The following NFATC1 variants were observed in gnomAD, a reference collection of about 807,000 sequenced individuals.
NFATC1 encodes nuclear factor of activated T-cells, cytoplasmic 1.
A neutral mutation model predicts 76.0 loss-of-function variants in NFATC1; 22 were observed. That is an observed-to-expected ratio of 0.29 (90% confidence interval 0.21 to 0.41). The LOEUF (loss-of-function observed/expected upper bound fraction) is 0.41, where lower values mean the gene tolerates loss of function less well. Ranked by LOEUF, NFATC1 falls within the 10% of genes least tolerant of loss-of-function variation. The pLI, the probability that NFATC1 is intolerant of heterozygous loss-of-function variation, is 1.00. For missense variants in NFATC1, 1,357 were observed against 1,337.7 expected (o/e 1.01, Z -0.23); for synonymous variants, 704 against 613.1 (o/e 1.15, Z -2.19).
chr18:79,477,673 A>C (rs1002241360), intron 8 of NFATC1, among the ~76,000 whole-genome samples: 3 of 152,094 alleles, frequency 2.0e-5, no homozygotes, highest in Non-Finnish European at 4.4e-5. Flanking sequence ...GCACTGTCTC[A>C]GTCTTTGGGG....
At position 79,473,386 on chromosome 18, in the gene NFATC1, C is replaced by T. The variant is rs1030479199; in HGVS notation, c.2092+5804C>T. Among the ~76,000 whole-genome samples the T allele has an allele frequency of 4.6e-5, 7 of 152,172 alleles. No homozygotes were observed. The East Asian group carries it at 5.8e-4, about 13-fold the overall frequency. On this transcript the variant is annotated intron_variant, in intron 8 of 9. Coordinates refer to ENST00000427363, the MANE Select transcript of NFATC1 (RefSeq NM_001278669.2). ...AGCGTGTTCTCACGCTTACTGTCAACGTTGCGAGGGAAGCGTGTTCTCATG... is the reference window on the plus strand; with the variant it reads ...AGCGTGTTCTCACGCTTACTGTCAATGTTGCGAGGGAAGCGTGTTCTCATG...
Position 79,528,551 on chromosome 18 carries a change from G to A in NFATC1, c.*974G>A, listed in dbSNP as rs1001072495. The A allele has an allele frequency of 7.2e-5, 11 of 152,214 alleles. No individual in the cohort carries two copies. The highest frequency in any genetic ancestry group is 1.3e-4 in the Admixed American group (2 of 15,280). The allele number at this position is 152,214 out of a possible 1,614,324, so 9.4% of individuals were successfully genotyped here. ...ACGGCCGTGCATTTTCTCGTCTCAC[G>A]CAGTTCGAGGAGGACCCTAGAAAGC... is the stretch of plus-strand genomic sequence containing the variant. On this transcript the variant is annotated 3_prime_UTR_variant, in exon 10 of 10. Coordinates refer to ENST00000427363, the MANE Select transcript of NFATC1 (RefSeq NM_001278669.2).
intron 8 of NFATC1, among the ~76,000 whole-genome samples, chr18:79,482,281 G>A (rs2089305533): frequency 7.4e-6 from 1 of 134,516 alleles, no homozygotes; most frequent in Non-Finnish European, 1.5e-5. Flanking sequence ...ATTCCAGTGT[G>A]ACCTGGTTCC....
intron 2 of NFATC1, among the ~76,000 whole-genome samples, chr18:79,427,194 C>A (rs2086372099): frequency 6.6e-6 from 1 of 152,224 alleles, no homozygotes. Context: ...TGACGTTGTC[C>A]TTCACGTAAA....
chr18:79,478,636 C>A (rs566543998), intron 8 of NFATC1, among the ~76,000 whole-genome samples: 2 of 152,192 alleles, frequency 1.3e-5, no homozygotes, highest in African/African-American at 2.4e-5. Flanking sequence ...TGACGATGGC[C>A]GTGGCGGGGG....
chr18:79,515,265 A>T lies in NFATC1; in HGVS notation c.2783-12263A>T, dbSNP rs148784415. Among the ~76,000 whole-genome samples the T allele has an allele frequency of 3.9e-3, 585 of 150,882 alleles. 4 individuals carry two copies. The highest frequency in any genetic ancestry group is 7.1e-3 in the Admixed American group (108 of 15,144). ...GAGGCTGAGGCAGGAGAATCGCTTG[A>T]ACCTGGAAGGTTGCAGTGAGCAGAG... On this transcript the variant is annotated intron_variant, in intron 9 of 9. Coordinates refer to ENST00000427363, the MANE Select transcript of NFATC1 (RefSeq NM_001278669.2).
At chr18:79,513,138 T>TA (rs1234561558) in intron 9 of NFATC1, among the ~76,000 whole-genome samples, 6 of 152,236 alleles carry the variant, frequency 3.9e-5, no homozygotes, top group Non-Finnish European at 5.9e-5. Context: ...CCTCTCTCGA[T>TA]ACCCAGAACC....
chr18:79,479,113 C>T (rs2089184655), intron 8 of NFATC1, among the ~76,000 whole-genome samples: 1 of 152,272 alleles, frequency 6.6e-6, no homozygotes, highest in Non-Finnish European at 1.5e-5. Context: ...CACTCGCCTT[C>T]CACACTCTGC....
chr18:79,416,656 AT>A (rs1376864688), intron 2 of NFATC1, among the ~76,000 whole-genome samples: 2 of 152,210 alleles, frequency 1.3e-5, no homozygotes, highest in Non-Finnish European at 1.5e-5. Flanking sequence ...GAGTTGCCCC[AT>A]GGTTTGTAAA....
rs552110224 is a variant in NFATC1, at chr18:79,439,268, A to G, written c.1386+5530A>G. On this transcript the variant is annotated intron_variant, in intron 3 of 9. Coordinates refer to ENST00000427363, the MANE Select transcript of NFATC1 (RefSeq NM_001278669.2). ...CCGGGGAGGGACGTCGCTGGGACACATTGTTATCTGATCAGAGCTCCGAGG... is the reference window on the plus strand; with the variant it reads ...CCGGGGAGGGACGTCGCTGGGACACGTTGTTATCTGATCAGAGCTCCGAGG... Among the ~76,000 whole-genome samples the G allele has an allele frequency of 2.0e-5, 3 of 152,264 alleles. No homozygotes were observed. The East Asian group carries it at 5.8e-4, about 29-fold the overall frequency.
chr18:79,411,514 C>CGCGGG lies in NFATC1; in HGVS notation c.1226+19_1226+23dup, dbSNP rs745932419. The CGCGGG allele has an allele frequency of 2.5e-5, 36 of 1,458,038 alleles. No individual in the cohort carries two copies. The highest frequency in any genetic ancestry group is 3.1e-5 in the Non-Finnish European group (34 of 1,106,756). The allele number at this position is 1,458,038 out of a possible 1,614,324, so 90.3% of individuals were successfully genotyped here. ...CGTCCTACATGAGGTGAGCCGGCAGCGCGGGGCGGGACGGGGAGGCGAGGG... is the reference window on the plus strand; with the variant it reads ...CGTCCTACATGAGGTGAGCCGGCAGCGCGGGGCGGGGCGGGACGGGGAGGCGAGGG... On this transcript the variant is annotated intron_variant, in intron 2 of 9. Coordinates refer to ENST00000427363, the MANE Select transcript of NFATC1 (RefSeq NM_001278669.2).
chr18:79,448,738 C>A (rs2087325797), intron 3 of NFATC1, 44 bp from the exon 4 acceptor site: 3 of 1,585,432 alleles, frequency 1.9e-6, no homozygotes, highest in Admixed American at 1.7e-5. Flanking sequence ...TCCCGGCGGT[C>A]TGTGCTCTGG....
intron 1 of NFATC1, chr18:79,400,227 G>T: frequency 3.4e-6 from 4 of 1,186,036 alleles, no homozygotes; most frequent in Non-Finnish European, 4.2e-6. Context: ...GCCGCGAGCC[G>T]GTTGTTTATG....
At position 79,471,847 on chromosome 18, in the gene NFATC1, G is replaced by A. The variant is rs920392439; in HGVS notation, c.2092+4265G>A. Among the ~76,000 whole-genome samples, 6 of 152,218 alleles carry A rather than the reference G, an allele frequency of 3.9e-5. No individual in the cohort carries two copies. The South Asian group carries it at 6.2e-4, about 16-fold the overall frequency. On this transcript the variant is annotated intron_variant, in intron 8 of 9. Coordinates refer to ENST00000427363, the MANE Select transcript of NFATC1 (RefSeq NM_001278669.2). ...TTCACCAGGGGTGGGCGTGGGCCCC[G>A]AGCCCAGACAGGAGCCAGCTGGAGA...
chr18:79,485,664 C>T (rs924713532), intron 8 of NFATC1, among the ~76,000 whole-genome samples: 7 of 152,218 alleles, frequency 4.6e-5, no homozygotes, highest in Admixed American at 6.5e-5. Context: ...CTGTTCCATC[C>T]AAGGCTGCCC....
chr18:79,472,138 AG>A (rs1343054744), intron 8 of NFATC1, among the ~76,000 whole-genome samples: 1 of 151,354 alleles, frequency 6.6e-6, no homozygotes, highest in East Asian at 2.0e-4. Flanking sequence ...AGAGCTGCTT[AG>A]GGTGTGAGCC....
At chr18:79,409,820 C>T (rs917500898) in intron 1 of NFATC1, among the ~76,000 whole-genome samples, 5 of 152,212 alleles carry the variant, frequency 3.3e-5, no homozygotes, top group East Asian at 1.9e-4. Context: ...GATGTTCTGT[C>T]TTCATGGAAC....
rs140576405 is a variant in NFATC1 at position 79,459,364 on chromosome 18, G to A, written c.1904-1947G>A. Among the ~76,000 whole-genome samples, 3 of 152,312 alleles carry A rather than the reference G, an allele frequency of 2.0e-5. No individual in the cohort carries two copies. In the East Asian group the frequency reaches 5.8e-4, roughly 29 times the overall value. On this transcript the variant is annotated intron_variant, in intron 6 of 9. Coordinates refer to ENST00000427363, the MANE Select transcript of NFATC1 (RefSeq NM_001278669.2). ...TTGCTTTTCATGGACTCACCGCTGC[G>A]GGGCAGCCACCTGGAGGAGGCCGCG...
At chr18:79,510,632 CCTGAG>C (rs1469401753) in intron 9 of NFATC1, among the ~76,000 whole-genome samples, 1 of 152,216 alleles carries the variant, frequency 6.6e-6, no homozygotes, top group African/African-American at 2.4e-5. Flanking sequence ...GGTTTGAAAC[CCTGAG>C]GATGAGATGC....
Sources: allele counts gnomAD v4.1 joint callset (sites outside exome capture counted in the v4.1 genomes callset), GRCh38; gene constraint gnomAD v4.1.1; transcripts MANE v1.5; gene names NCBI Gene and HGNC (gene_info 2026-07-23, HGNC 2026-07-21).